The following CCDC169 variants were observed in gnomAD, a reference collection of about 807,000 sequenced individuals.
CCDC169 encodes the protein coiled-coil domain containing 169, also known as coiled-coil domain-containing protein 169.
CCDC169 carries 30 observed loss-of-function variants against 36.0 expected under a neutral mutation model. The ratio of observed to expected loss-of-function variants is 0.83; its 90% confidence interval spans 0.62 to 1.13. The LOEUF (loss-of-function observed/expected upper bound fraction) is 1.13, where lower values mean the gene tolerates loss of function less well. Ranked by LOEUF, CCDC169 falls within the 50% of genes most tolerant of loss-of-function variation. CCDC169 has a pLI of 0.00. For missense variants in CCDC169, 245 were observed against 245.9 expected, an observed-to-expected ratio of 1.00 and a Z score of 0.03; for synonymous variants, 85 against 81.5, an observed-to-expected ratio of 1.04 and a Z score of -0.23.
intron 6 of CCDC169, among the ~76,000 whole-genome samples, chr13:36,251,676 T>C (rs955329079): frequency 2.6e-5 from 4 of 152,186 alleles, no homozygotes; most frequent in South Asian, 2.1e-4. Context: ...TATTTGCTTT[T>C]TGCCACTCTT....
At chr13:36,285,081 T>C (rs185266712) in intron 2 of CCDC169, among the ~76,000 whole-genome samples, 1 of 152,334 alleles carries the variant, frequency 6.6e-6, no homozygotes, top group African/African-American at 2.4e-5. Flanking sequence ...TTTGTCATGG[T>C]ATCCCCTTTC....
chr13:36,253,705 C>T, intron 6 of CCDC169, 98 bp downstream of exon 6: 2 of 1,403,310 alleles, frequency 1.4e-6, no homozygotes, highest in Non-Finnish European at 1.9e-6. Context: ...ACTCCAAAAT[C>T]TGCTTCTCTC....
chr13:36,254,246 T>G, intron 4 of CCDC169, 103 bp from the exon 5 acceptor site: 1 of 743,258 alleles, frequency 1.3e-6, no homozygotes, highest in East Asian at 3.0e-5. Flanking sequence ...TACCTAATAT[T>G]TTGTGATTTC....
At chr13:36,222,888 C>A (rs1386674860), downstream of CCDC169, 2 of 151,996 alleles carry the variant, frequency 1.3e-5, no homozygotes, top group Non-Finnish European at 2.9e-5. Context: ...AACATAAATA[C>A]AGTGACAGAA....
chr13:36,232,016 C>G (rs1439403966), intron 7 of CCDC169, among the ~76,000 whole-genome samples: 2 of 151,994 alleles, frequency 1.3e-5, no homozygotes, highest in Non-Finnish European at 2.9e-5. Flanking sequence ...TTATCAAAAC[C>G]CTGGAAATTA....
chr13:36,286,118 G>A (rs1009901940), intron 2 of CCDC169, among the ~76,000 whole-genome samples: 3 of 152,182 alleles, frequency 2.0e-5, no homozygotes, highest in Non-Finnish European at 4.4e-5. Context: ...ATGGGGCATA[G>A]GGCCACCTGT....
At chr13:36,232,418 A>G (rs11619273) in intron 7 of CCDC169, among the ~76,000 whole-genome samples, 1 of 152,304 alleles carries the variant, frequency 6.6e-6, no homozygotes, top group South Asian at 2.1e-4. Context: ...ACAATAAGAA[A>G]CCACTGTTTA....
chr13:36,243,614 C>T (rs1872130968), intron 7 of CCDC169, among the ~76,000 whole-genome samples: 1 of 152,110 alleles, frequency 6.6e-6, no homozygotes, highest in Non-Finnish European at 1.5e-5. Context: ...CGAGACCAGC[C>T]TGATCAACAT....
intron 4 of CCDC169, chr13:36,267,341 T>G (rs917108782): frequency 6.6e-6 from 1 of 152,292 alleles, no homozygotes; most frequent in Non-Finnish European, 1.5e-5. Flanking sequence ...AGCCAATAAT[T>G]TTGTATCCAG....
chr13:36,225,347 G>C (rs1475130270), downstream of CCDC169: 1 of 152,316 alleles, frequency 6.6e-6, no homozygotes, highest in African/African-American at 2.4e-5. Flanking sequence ...TGAGACCATA[G>C]GCATGCACCA....
At chr13:36,267,190 T>C (rs1006970726) in intron 4 of CCDC169, 3 of 152,144 alleles carry the variant, frequency 2.0e-5, no homozygotes, top group Admixed American at 2.0e-4. Context: ...GCAGCACATA[T>C]ACTAAAATTA....
At chr13:36,260,608 G>A (rs1171010202) in intron 4 of CCDC169, among the ~76,000 whole-genome samples, 1 of 152,146 alleles carries the variant, frequency 6.6e-6, no homozygotes, top group Non-Finnish European at 1.5e-5. Flanking sequence ...AAACCCTTAT[G>A]TAAAAAACTC....
chr13:36,263,015 A>G (rs1874787270), intron 4 of CCDC169, among the ~76,000 whole-genome samples: 1 of 152,206 alleles, frequency 6.6e-6, no homozygotes, highest in Non-Finnish European at 1.5e-5. Context: ...GGTCAAACCA[A>G]ACCAAAATGC....
intron 7 of CCDC169, among the ~76,000 whole-genome samples, chr13:36,247,048 A>T (rs1397598709): frequency 6.6e-6 from 1 of 152,170 alleles, no homozygotes; most frequent in Non-Finnish European, 1.5e-5. Context: ...CATTCTGAAA[A>T]TCCTAGGAAT....
intron 7 of CCDC169, among the ~76,000 whole-genome samples, chr13:36,233,430 T>C (rs1311461383): frequency 6.6e-6 from 1 of 152,062 alleles, no homozygotes; most frequent in African/African-American, 2.4e-5. Context: ...CAAGAAAACA[T>C]GGCTCTTATA....
chr13:36,240,716 A>C (rs2138418669), intron 7 of CCDC169: 1 of 829,054 alleles, frequency 1.2e-6, no homozygotes, highest in South Asian at 1.6e-5. Context: ...AAAAAAATAA[A>C]CTTTAGTTTT....
intron 4 of CCDC169, among the ~76,000 whole-genome samples, chr13:36,257,432 G>A (rs929081337): frequency 9.9e-5 from 15 of 152,268 alleles, no homozygotes; most frequent in African/African-American, 1.7e-4. Flanking sequence ...CCGGCTGGGC[G>A]TGGTGGCTCA....
intron 4 of CCDC169, among the ~76,000 whole-genome samples, chr13:36,255,218 G>T (rs1442287253): frequency 6.6e-6 from 1 of 152,176 alleles, no homozygotes; most frequent in Admixed American, 6.5e-5. Context: ...TGCACCTTGT[G>T]AAGTCTCTGG....
At chr13:36,252,313 A>G (rs1204737213) in intron 6 of CCDC169, among the ~76,000 whole-genome samples, 1 of 152,216 alleles carries the variant, frequency 6.6e-6, no homozygotes, top group Admixed American at 6.5e-5. Flanking sequence ...AACTTATCCT[A>G]TCTTGTCTCA....
Sources: gnomAD v4.1 joint callset for allele counts (sites outside exome capture counted in the v4.1 genomes callset) on GRCh38, gnomAD v4.1.1 for gene constraint, MANE v1.5 for transcripts, NCBI Gene and HGNC (gene_info 2026-07-23, HGNC 2026-07-21) for gene names.